The following LRP11 variants were observed in gnomAD, a reference collection of about 807,000 sequenced individuals.
LRP11 encodes the protein LDL receptor related protein 11, also known as low-density lipoprotein receptor-related protein 11.
In LRP11, 25 loss-of-function variants were observed where a neutral mutation model predicts 43.1. The ratio of observed to expected loss-of-function variants is 0.58; its 90% confidence interval spans 0.42 to 0.81. The LOEUF (loss-of-function observed/expected upper bound fraction) is 0.81, where lower values mean the gene tolerates loss of function less well. LRP11 is among the 30% of genes least tolerant of loss of function. LRP11 has a pLI of 0.00. For missense variants in LRP11, 623 were observed against 665.1 expected (o/e 0.94, Z 0.70); for synonymous variants, 316 against 299.4 (o/e 1.06, Z -0.57).
In LRP11 at chr6:149,863,426, G is replaced by C. The variant is rs1203503619; in HGVS notation, c.595C>G (p.Arg199Gly). The change falls in exon 1 of 7, where the codon CGC (arginine) becomes GGC (glycine). Residue 199 changes from arginine to glycine, a missense_variant. Arg to Gly is a moderately radical substitution (Grantham distance 125). Transcript: ENST00000239367. Reference protein sequence around the residue: ...APDGAALATARASPRQEKDAP... With the variant: ...APDGAALATAGASPRQEKDAP... ...CGCTTACCCTGCCGGGGCGAGGCGC[G>C]CGCGGTGGCCAGGGCGGCGCCGTCC... The C allele has an allele frequency of 8.4e-6, 11 of 1,315,152 alleles. No homozygotes were observed. In the Admixed American group the frequency reaches 1.2e-4, roughly 14 times the overall value. 81.5% of individuals were successfully genotyped at this position (1,315,152 alleles called of 1,614,324 possible).
intron 1 of LRP11, among the ~76,000 whole-genome samples, chr6:149,859,951 G>C (rs976490148): frequency 1.3e-5 from 2 of 152,000 alleles, no homozygotes; most frequent in African/African-American, 4.8e-5. Flanking sequence ...ATTTGTGTAT[G>C]GTCAGAGTTG....
chr6:149,838,269 AAT>A (rs1776499010), intron 3 of LRP11, among the ~76,000 whole-genome samples: 2 of 152,004 alleles, frequency 1.3e-5, no homozygotes, highest in Non-Finnish European at 2.9e-5. Flanking sequence ...TCTCCTAAGT[AAT>A]ACTTTTCACT....
chr6:149,838,684 C>CAA (rs397943761), intron 3 of LRP11, among the ~76,000 whole-genome samples: 14 of 92,052 alleles, frequency 1.5e-4, no homozygotes, highest in Non-Finnish European at 2.2e-4. Flanking sequence ...GACTCTGTCT[C>CAA]AAAAAAAAAA....
chr6:149,843,116 T>C lies in LRP11; in HGVS notation c.780A>G (p.Gln260=), dbSNP rs201434283. Residue 260 remains glutamine (Q), a synonymous_variant, in exon 3 of 7, where the codon CAA becomes CAG. Coordinates refer to ENST00000239367, the MANE Select transcript of LRP11 (RefSeq NM_032832.6). ...GDPSVDMKVP[Q]SGTLKLSHLQ... is the part of the protein sequence containing the mutation. ...GGTGGGACAGCTTCAGGGTTCCTGA[T>C]TGAGGCACCTGCCACACAGATGGGA... The C allele has an allele frequency of 1.9e-5, 31 of 1,614,030 alleles. No individual in the cohort carries two copies. Among genetic ancestry groups the C allele is most frequent in the East Asian group, 4.5e-5 (2 of 44,884 alleles).
At chr6:149,856,599 T>C (rs1256258065) in intron 1 of LRP11, among the ~76,000 whole-genome samples, 1 of 152,180 alleles carries the variant, frequency 6.6e-6, no homozygotes, top group Non-Finnish European at 1.5e-5. Context: ...GTCAAAAAAA[T>C]GTAATAAACC....
intron 2 of LRP11, among the ~76,000 whole-genome samples, chr6:149,845,064 T>C (rs111507401): frequency 0.011 from 1,698 of 152,248 alleles, 32 homozygotes; most frequent in African/African-American, 0.039. Flanking sequence ...CGGTGTCCAA[T>C]AGACATGGGT....
intron 3 of LRP11, among the ~76,000 whole-genome samples, chr6:149,838,311 T>C (rs1017701187): frequency 1.3e-5 from 2 of 152,168 alleles, no homozygotes; most frequent in African/African-American, 4.8e-5. Flanking sequence ...TGAATCCTAT[T>C]TGTTGATTAT....
At chr6:149,853,658 C>A (rs1438906250) in intron 1 of LRP11, among the ~76,000 whole-genome samples, 1 of 152,134 alleles carries the variant, frequency 6.6e-6, no homozygotes, top group Admixed American at 6.5e-5. Flanking sequence ...CATGTGTGTG[C>A]CACCACATCC....
intron 6 of LRP11, among the ~76,000 whole-genome samples, chr6:149,821,349 C>T (rs372577455): frequency 2.0e-5 from 3 of 152,130 alleles, no homozygotes; most frequent in African/African-American, 4.8e-5. Context: ...ATTCTGATCA[C>T]GAAATTTTTT....
intron 4 of LRP11, 137 bp from the exon 5 acceptor site, chr6:149,836,434 A>G (rs1316565468): frequency 1.4e-6 from 1 of 702,214 alleles, no homozygotes; most frequent in Non-Finnish European, 2.4e-6. Flanking sequence ...ATGTCAGAGG[A>G]CCATAAAAAT....
Position 149,853,033 on chromosome 6 carries a change from C to T in LRP11, c.741G>A (p.Leu247=). ...DHAIVQYEWA[L]LQGDPSVDMK... ...TGTCCACTGACGGGTCCCCCTGCAGCAGTGCCCACTCATACTGGACGATGG... is the reference window on the plus strand; with the variant it reads ...TGTCCACTGACGGGTCCCCCTGCAGTAGTGCCCACTCATACTGGACGATGG... The change falls in exon 2 of 7, where the codon CTG becomes CTA. Residue 247 remains leucine, a synonymous_variant. Transcript: ENST00000239367. The T allele has an allele frequency of 6.2e-7, 1 of 1,608,100 alleles. No homozygotes were observed. The highest frequency in any genetic ancestry group is 1.1e-5 in the South Asian group (1 of 90,046).
Position 149,864,117 on chromosome 6 carries a change from G to A in LRP11, c.-97C>T. The stretch of plus-strand genomic sequence containing the variant: ...GCGGGCCCTGGGCCCCTCCTGCGCG[G>A]CCGCGGCTGGCTCTAGGCCCCGGCC... On this transcript the variant is annotated 5_prime_UTR_variant, in exon 1 of 7. Coordinates refer to ENST00000239367, the MANE Select transcript of LRP11 (RefSeq NM_032832.6). 1 of 1,185,430 alleles carries A rather than the reference G, an allele frequency of 8.4e-7. No homozygotes were observed. The allele number at this position is 1,185,430 out of a possible 1,614,324, so 73.4% of individuals were successfully genotyped here.
intron 2 of LRP11, among the ~76,000 whole-genome samples, chr6:149,848,625 A>T (rs1376115327): frequency 1.3e-5 from 2 of 152,202 alleles, no homozygotes; most frequent in Non-Finnish European, 2.9e-5. Context: ...AAACTAATGC[A>T]AGAACAGAAA....
In LRP11 at chr6:149,853,019, G is replaced by A. The variant is rs747785002; in HGVS notation, c.755C>T (p.Pro252Leu). 5.0e-6 allele frequency: 8 copies of A among 1,599,246 alleles called. No homozygotes were observed. The highest frequency in any genetic ancestry group is 2.3e-5 in the East Asian group (1 of 44,284). The change falls in exon 2 of 7, where the codon CCG becomes CTG. Residue 252 changes from proline to leucine, a missense_variant. By Grantham distance (98) the Pro-to-Leu change is moderately conservative. Coordinates refer to ENST00000239367, the MANE Select transcript of LRP11 (RefSeq NM_032832.6). ...QYEWALLQGD[P>L]SVDMKVPQSG... ...ATGCGTTACCTTCATGTCCACTGAC[G>A]GGTCCCCCTGCAGCAGTGCCCACTC... is the stretch of plus-strand genomic sequence containing the variant.
intron 1 of LRP11, among the ~76,000 whole-genome samples, chr6:149,858,615 C>T (rs139481769): frequency 0.012 from 1,832 of 152,244 alleles, 23 homozygotes; most frequent in Non-Finnish European, 0.016. Context: ...CACTATACTT[C>T]GAGACAACCC....
intron 2 of LRP11, among the ~76,000 whole-genome samples, chr6:149,850,962 C>T (rs1158333249): frequency 6.6e-6 from 1 of 152,224 alleles, no homozygotes. Context: ...CTGCCTGGCA[C>T]TCAGTGGGTG....
chr6:149,860,993 A>T (rs1175559539), intron 1 of LRP11, among the ~76,000 whole-genome samples: 1 of 152,174 alleles, frequency 6.6e-6, no homozygotes, highest in African/African-American at 2.4e-5. Flanking sequence ...CTAACACCAA[A>T]GTCAACAAAT....
At chr6:149,836,820 A>G (rs2115384584) in intron 4 of LRP11, among the ~76,000 whole-genome samples, 1 of 123,672 alleles carries the variant, frequency 8.1e-6, no homozygotes, top group East Asian at 5.0e-4. Context: ...GTCTCATAAA[A>G]AAAAGAAAGA....
At chr6:149,830,989 T>C (rs1027706694) in intron 5 of LRP11, among the ~76,000 whole-genome samples, 6 of 152,242 alleles carry the variant, frequency 3.9e-5, no homozygotes, top group East Asian at 1.9e-4. Flanking sequence ...AGGAACGCCA[T>C]AGAGAAATGC....
Sources: gnomAD v4.1 joint callset for allele counts (sites outside exome capture counted in the v4.1 genomes callset) on GRCh38, gnomAD v4.1.1 for gene constraint, MANE v1.5 for transcripts, NCBI Gene and HGNC (gene_info 2026-07-23, HGNC 2026-07-21) for gene names.